The following ARL15 variants were observed in gnomAD, a reference collection of about 807,000 sequenced individuals.
ARL15 encodes ARF like GTPase 15.
In ARL15, 19 loss-of-function variants were observed where a neutral mutation model predicts 25.2. That is an observed-to-expected ratio of 0.75 (90% CI 0.53 to 1.10). The LOEUF is 1.10. Ranked by LOEUF, ARL15 falls within the 50% of genes least tolerant of loss-of-function variation. ARL15 has a pLI of 0.00. For missense variants in ARL15, 220 were observed against 246.0 expected, an observed-to-expected ratio of 0.89 and a Z score of 0.71; for synonymous variants, 94 against 86.8, an observed-to-expected ratio of 1.08 and a Z score of -0.46.
intron 4 of ARL15, among the ~76,000 whole-genome samples, chr5:54,007,924 A>T (rs921529750): frequency 4.6e-5 from 7 of 152,158 alleles, no homozygotes; most frequent in African/African-American, 1.7e-4. Context: ...CATCAGTCTC[A>T]GGAAAGAGAG....
intron 4 of ARL15, among the ~76,000 whole-genome samples, chr5:54,038,021 C>T (rs1750225683): frequency 6.6e-6 from 1 of 152,018 alleles, no homozygotes; most frequent in Non-Finnish European, 1.5e-5. Flanking sequence ...ATTGTCTAAT[C>T]AACACCTTGA....
rs1282416329 is a variant in ARL15, at chr5:54,157,382, A to G, written c.194-2743T>C. Among the ~76,000 whole-genome samples the G allele has an allele frequency of 2.6e-5, 4 of 152,180 alleles. 1 individual carries two copies. Among genetic ancestry groups the G allele is most frequent in the African/African-American group, 7.2e-5 (3 of 41,458 alleles). On this transcript the variant is annotated intron_variant, in intron 2 of 4. Transcript: ENST00000504924. ...TACTAAAACGTCTTCAAAAGTTCAC[A>G]CTAAGCAAAGTATCCTAGCAATGTT...
At chr5:54,157,274 A>C (rs1360101714) in intron 2 of ARL15, among the ~76,000 whole-genome samples, 1 of 152,240 alleles carries the variant, frequency 6.6e-6, no homozygotes, top group Non-Finnish European at 1.5e-5. Flanking sequence ...TGCAAAATAC[A>C]ACTTTTGAAA....
intron 1 of ARL15, among the ~76,000 whole-genome samples, chr5:54,228,216 C>T (rs1054364105): frequency 6.6e-6 from 1 of 152,208 alleles, no homozygotes; most frequent in Non-Finnish European, 1.5e-5. Context: ...CAAAAATTAT[C>T]TTCAGAAAGC....
rs545805201 is a variant in ARL15 at position 53,968,972 on chromosome 5, AC to A, written c.463-82260del. On this transcript the variant is annotated intron_variant, in intron 4 of 4. Coordinates refer to ENST00000504924, the MANE Select transcript of ARL15 (RefSeq NM_019087.3). Reference sequence around the variant, plus strand: ...AGACCAGCCTGGACAACATGGTGAAACCCCGTCTCTACTAAAAAATACAAAA... The same window carrying A: ...AGACCAGCCTGGACAACATGGTGAAACCCGTCTCTACTAAAAAATACAAAA... 7.3e-5 allele frequency among the ~76,000 whole-genome samples: 11 copies of A among 149,942 alleles called. No individual in the cohort carries two copies. The South Asian group carries it at 2.4e-3, about 32-fold the overall frequency.
intron 4 of ARL15, among the ~76,000 whole-genome samples, chr5:54,060,469 G>T (rs950167321): frequency 1.2e-4 from 19 of 152,198 alleles, no homozygotes; most frequent in African/African-American, 4.6e-4. Context: ...AAAAAAACAT[G>T]GGAGTTTCCC....
chr5:54,077,882 A>T (rs73112694), intron 4 of ARL15, among the ~76,000 whole-genome samples: 12,250 of 152,076 alleles, frequency 0.081, 619 homozygotes, highest in African/African-American at 0.11. Flanking sequence ...TTTTGTGAAC[A>T]CTCTGGTGGA....
chr5:54,066,746 T>C (rs888068300), intron 4 of ARL15, among the ~76,000 whole-genome samples: 4 of 152,158 alleles, frequency 2.6e-5, no homozygotes, highest in African/African-American at 9.7e-5. Flanking sequence ...AGAAATCTTA[T>C]AATAGGGTAA....
intron 3 of ARL15, among the ~76,000 whole-genome samples, chr5:54,116,896 C>T (rs1243630895): frequency 6.6e-6 from 1 of 152,170 alleles, no homozygotes; most frequent in Non-Finnish European, 1.5e-5. Flanking sequence ...AAATAAAGAA[C>T]TATATTACCA....
intron 1 of ARL15, among the ~76,000 whole-genome samples, chr5:54,248,235 G>T (rs1484174131): frequency 6.6e-6 from 1 of 152,096 alleles, no homozygotes; most frequent in Non-Finnish European, 1.5e-5. Context: ...GGTCATGAGG[G>T]TTGTCTCACT....
At chr5:54,064,564 T>C (rs570683648) in intron 4 of ARL15, among the ~76,000 whole-genome samples, 1 of 152,182 alleles carries the variant, frequency 6.6e-6, no homozygotes, top group Non-Finnish European at 1.5e-5. Context: ...TATGAAGCTA[T>C]ACAGCCAGTT....
At chr5:53,888,362 C>T (rs1744603339) in intron 4 of ARL15, among the ~76,000 whole-genome samples, 1 of 152,156 alleles carries the variant, frequency 6.6e-6, no homozygotes, top group South Asian at 2.1e-4. Flanking sequence ...CTCACTGCAG[C>T]CTTGACGTCC....
At chr5:54,053,708 G>C (rs1750770056) in intron 4 of ARL15, among the ~76,000 whole-genome samples, 1 of 152,082 alleles carries the variant, frequency 6.6e-6, no homozygotes, top group Non-Finnish European at 1.5e-5. Flanking sequence ...CTATTGAGAG[G>C]CGCTCTATAA....
At chr5:54,077,606 T>C (rs1046787083) in intron 4 of ARL15, among the ~76,000 whole-genome samples, 1 of 152,206 alleles carries the variant, frequency 6.6e-6, no homozygotes, top group African/African-American at 2.4e-5. Flanking sequence ...CAAACATGTA[T>C]ACTAAATGTT....
chr5:54,092,331 T>C (rs544576787), intron 4 of ARL15, among the ~76,000 whole-genome samples: 39 of 152,252 alleles, frequency 2.6e-4, no homozygotes, highest in Non-Finnish European at 1.3e-4. Context: ...GCTTATGGAA[T>C]TAGATGCTCC....
At chr5:54,282,987 A>G (rs1261341604) in intron 1 of ARL15, among the ~76,000 whole-genome samples, 1 of 152,234 alleles carries the variant, frequency 6.6e-6, no homozygotes, top group Non-Finnish European at 1.5e-5. Flanking sequence ...CTGGAGAAAT[A>G]TTTTTAGCAC....
intron 4 of ARL15, among the ~76,000 whole-genome samples, chr5:54,021,614 A>C (rs1190819608): frequency 6.6e-6 from 1 of 152,176 alleles, no homozygotes; most frequent in African/African-American, 2.4e-5. Flanking sequence ...AACAATGAAC[A>C]GAGCCTCAGG....
At chr5:54,031,239 CT>C (rs766078668) in intron 4 of ARL15, among the ~76,000 whole-genome samples, 30 of 152,120 alleles carry the variant, frequency 2.0e-4, no homozygotes, top group Non-Finnish European at 3.8e-4. Context: ...AAATTAATAC[CT>C]GTAAGCCACT....
intron 1 of ARL15, among the ~76,000 whole-genome samples, chr5:54,187,117 A>T (rs568621908): frequency 9.5e-4 from 144 of 152,172 alleles, no homozygotes; most frequent in Non-Finnish European, 1.5e-3. Flanking sequence ...CCAAGGTAAC[A>T]CTATTATAAG....
Sources: gnomAD v4.1 joint callset for allele counts (sites outside exome capture counted in the v4.1 genomes callset) on GRCh38, gnomAD v4.1.1 for gene constraint, MANE v1.5 for transcripts, NCBI Gene and HGNC (gene_info 2026-07-23, HGNC 2026-07-21) for gene names.